Variants in CLSTN2 observed in about 807,000 individuals in gnomAD.
CLSTN2 encodes the protein calsyntenin 2.
CLSTN2 carries 48 observed loss-of-function variants against 101.2 expected under a neutral mutation model. The ratio of observed to expected loss-of-function variants is 0.47; its 90% CI spans 0.38 to 0.60. CLSTN2 has a LOEUF of 0.60. CLSTN2 is among the 20% of genes least tolerant of loss of function. The pLI is 0.00. For missense variants in CLSTN2, 1,160 were observed against 1,238.2 expected (o/e 0.94, Z 0.95); for synonymous variants, 481 against 463.6 (o/e 1.04, Z -0.48).
Position 140,176,045 on chromosome 3 carries a change from G to A in CLSTN2, c.204G>A (p.Leu68=). 6.2e-7 allele frequency: 1 copy of A among 1,613,786 alleles called. No homozygotes were observed. Among genetic ancestry groups the A allele is most frequent in the Non-Finnish European group, 8.5e-7 (1 of 1,179,828 alleles). The change falls in exon 2 of 17, where the codon CTG becomes CTA. Residue 68 remains leucine, a synonymous_variant. Coordinates refer to ENST00000458420, the MANE Select transcript of CLSTN2 (RefSeq NM_022131.3). ...TTTTGGACCCACCACTGGTAGCCCT[G>A]GATAAAGATGCACCGGTTCCTTTTG... is the stretch of plus-strand genomic sequence containing the variant. The part of the protein sequence containing the change: ...TVILDPPLVA[L]DKDAPVPFAG...
chr3:140,097,601 A>T (rs1247311917), intron 1 of CLSTN2, among the ~76,000 whole-genome samples: 2 of 151,998 alleles, frequency 1.3e-5, no homozygotes, highest in Non-Finnish European at 2.9e-5. Context: ...TGTTGTTCCC[A>T]CTCCATGTGC....
intron 1 of CLSTN2, among the ~76,000 whole-genome samples, chr3:140,035,558 T>C (rs2007636801): frequency 6.6e-6 from 1 of 152,196 alleles, no homozygotes; most frequent in South Asian, 2.1e-4. Flanking sequence ...CTTGTGTGTA[T>C]GTTATTTAAC....
chr3:140,038,282 A>G (rs936808015), intron 1 of CLSTN2, among the ~76,000 whole-genome samples: 5 of 151,946 alleles, frequency 3.3e-5, no homozygotes, highest in East Asian at 1.9e-4. Context: ...TTTGATTTGC[A>G]TTTCTCTAAT....
At chr3:140,417,912 G>A (rs2088449080) in intron 4 of CLSTN2, among the ~76,000 whole-genome samples, 1 of 152,154 alleles carries the variant, frequency 6.6e-6, no homozygotes, top group Admixed American at 6.5e-5. Flanking sequence ...ATTTGGTGGT[G>A]GTGGAGAAGG....
intron 1 of CLSTN2, among the ~76,000 whole-genome samples, chr3:140,063,494 C>T (rs2350491): frequency 0.16 from 24,594 of 152,108 alleles, 2,247 homozygotes; most frequent in East Asian, 0.31. Flanking sequence ...CTTTGATATG[C>T]ATTGCAGTCT....
At chr3:140,452,076 T>A (rs1933265482) in intron 6 of CLSTN2, among the ~76,000 whole-genome samples, 1 of 151,972 alleles carries the variant, frequency 6.6e-6, no homozygotes, top group African/African-American at 2.4e-5. Context: ...CTTGTGTGAG[T>A]GTCTAACTGA....
intron 5 of CLSTN2, among the ~76,000 whole-genome samples, chr3:140,441,597 G>A (rs1016439302): frequency 2.0e-5 from 3 of 152,194 alleles, no homozygotes; most frequent in Non-Finnish European, 4.4e-5. Context: ...AGGGTCTGGA[G>A]CCAGGCATCT....
chr3:140,546,135 C>T (rs1382249975), intron 9 of CLSTN2, among the ~76,000 whole-genome samples: 1 of 152,184 alleles, frequency 6.6e-6, no homozygotes, highest in African/African-American at 2.4e-5. Context: ...ACAATGCCAC[C>T]ACATCATTGC....
intron 2 of CLSTN2, among the ~76,000 whole-genome samples, chr3:140,388,419 T>C (rs76382930): frequency 0.022 from 3,383 of 152,302 alleles, 121 homozygotes; most frequent in African/African-American, 0.077. Flanking sequence ...GTCTGCTTTG[T>C]CCCCAGTGGA....
intron 8 of CLSTN2, among the ~76,000 whole-genome samples, chr3:140,504,193 A>G (rs1047267026): frequency 6.6e-6 from 1 of 152,178 alleles, no homozygotes; most frequent in Non-Finnish European, 1.5e-5. Context: ...GGCAGGCTCC[A>G]TGCATATTTA....
chr3:140,288,290 C>T (rs1448336366), intron 2 of CLSTN2, among the ~76,000 whole-genome samples: 5 of 152,046 alleles, frequency 3.3e-5, no homozygotes, highest in Admixed American at 3.3e-4. Context: ...GAAAGAAGAA[C>T]AGACAGAAGG....
At chr3:140,401,283 G>A (rs985707677) in intron 2 of CLSTN2, among the ~76,000 whole-genome samples, 3 of 152,192 alleles carry the variant, frequency 2.0e-5, no homozygotes, top group Non-Finnish European at 4.4e-5. Flanking sequence ...GGTCTTGATT[G>A]TCCTTTTTAC....
At chr3:140,428,346 A>G (rs915799714) in intron 5 of CLSTN2, among the ~76,000 whole-genome samples, 2 of 151,246 alleles carry the variant, frequency 1.3e-5, no homozygotes, top group Admixed American at 1.3e-4. Flanking sequence ...GTTGCAAGTC[A>G]GATTTTGTAT....
At chr3:140,475,580 T>C (rs549244) in intron 8 of CLSTN2, among the ~76,000 whole-genome samples, 59,225 of 152,114 alleles carry the variant, frequency 0.39, 12,401 homozygotes, top group African/African-American at 0.56. Flanking sequence ...GCTGCCGTCT[T>C]ACCCACTTCC....
intron 2 of CLSTN2, among the ~76,000 whole-genome samples, chr3:140,393,019 C>T (rs191782145): frequency 4.6e-5 from 7 of 152,028 alleles, no homozygotes; most frequent in Admixed American, 2.0e-4. Context: ...TTATAAATCC[C>T]CCAGTCCCAC....
chr3:140,529,101 C>G (rs528496605), intron 8 of CLSTN2, among the ~76,000 whole-genome samples: 1 of 152,212 alleles, frequency 6.6e-6, no homozygotes, highest in Non-Finnish European at 1.5e-5. Context: ...AGAAACTACA[C>G]AGAGAACCTC....
At chr3:140,486,983 G>T (rs763868381) in intron 8 of CLSTN2, among the ~76,000 whole-genome samples, 11 of 152,188 alleles carry the variant, frequency 7.2e-5, no homozygotes, top group Non-Finnish European at 1.3e-4. Flanking sequence ...TGTGGGATTT[G>T]CTGATTCCAG....
chr3:140,243,070 T>C (rs1342934914), intron 2 of CLSTN2, among the ~76,000 whole-genome samples: 3 of 152,216 alleles, frequency 2.0e-5, no homozygotes, highest in African/African-American at 7.2e-5. Flanking sequence ...TGGAAGCATA[T>C]GATTACTAAT....
chr3:140,221,292 C>T (rs755405605), intron 2 of CLSTN2, among the ~76,000 whole-genome samples: 18 of 152,138 alleles, frequency 1.2e-4, no homozygotes, highest in Non-Finnish European at 2.4e-4. Flanking sequence ...ATTTATCTTA[C>T]TTAATGTGAA....
Sources: allele counts gnomAD v4.1 joint callset (sites outside exome capture counted in the v4.1 genomes callset), GRCh38; gene constraint gnomAD v4.1.1; transcripts MANE v1.5; gene names NCBI Gene and HGNC (gene_info 2026-07-23, HGNC 2026-07-21).